Variants in MGAT4C observed in about 807,000 individuals in gnomAD.
The protein encoded by MGAT4C is MGAT4 family member C.
A neutral mutation model predicts 40.1 loss-of-function variants in MGAT4C; 19 were observed. That is an observed-to-expected ratio of 0.47 (90% CI 0.33 to 0.70). The LOEUF is 0.70. MGAT4C is among the 30% of genes least tolerant of loss of function. The pLI is 0.02. For synonymous variants in MGAT4C, 181 were observed against 187.1 expected (o/e 0.97, Z 0.27); for missense variants, 491 against 563.2 (o/e 0.87, Z 1.30).
At chr12:86,267,003 T>A (rs752600696) in intron 4 of MGAT4C, among the ~76,000 whole-genome samples, 3 of 150,904 alleles carry the variant, frequency 2.0e-5, no homozygotes, top group Non-Finnish European at 2.9e-5. Context: ...ACTTTTATTG[T>A]CTCCTGTCTC....
Position 86,793,232 on chromosome 12 carries a change from A to G in MGAT4C, c.-262+45434T>C, listed in dbSNP as rs539141807. Among the ~76,000 whole-genome samples the G allele has an allele frequency of 4.9e-4, 75 of 152,210 alleles. 1 individual carries two copies. Among genetic ancestry groups the G allele is most frequent in the Admixed American group, 4.4e-3 (67 of 15,268 alleles). ...TTTTAGTTTATTCTTGCTTCGTGCT[A>G]TTAAAGATGCAACTTTTGTTCACAG... On this transcript the variant is annotated intron_variant, in intron 1 of 7. Coordinates refer to the MGAT4C transcript ENST00000548651.
rs909137711 is a variant in MGAT4C at position 85,972,563 on chromosome 12, C to G, written c.*6726G>C. ...AAGTGTGGGATATAGTTTACATTAC[C>G]GAGTTTATTTTCTAAGGGTAGTGAA... On this transcript the variant is annotated 3_prime_UTR_variant, in exon 5 of 5. Transcript: ENST00000611864. 2 of 150,824 alleles carry G rather than the reference C, an allele frequency of 1.3e-5. No individual in the cohort carries two copies. Among genetic ancestry groups the G allele is most frequent in the Non-Finnish European group, 3.0e-5 (2 of 67,158 alleles). The allele number at this position is 150,824 out of a possible 1,614,324, so 9.3% of individuals were successfully genotyped here.
intron 3 of MGAT4C, among the ~76,000 whole-genome samples, chr12:86,434,048 T>C (rs898024348): frequency 6.6e-6 from 1 of 152,072 alleles, no homozygotes; most frequent in Non-Finnish European, 1.5e-5. Context: ...CATGGCAAGC[T>C]ACTTATAACT....
intron 1 of MGAT4C, among the ~76,000 whole-genome samples, chr12:86,078,795 G>A (rs1168702670): frequency 4.6e-5 from 7 of 152,236 alleles, no homozygotes; most frequent in East Asian, 1.9e-4. Context: ...GCTGATTGCC[G>A]TCCACAGAAT....
chr12:86,437,483 TCATAA>T (rs375413259), intron 2 of MGAT4C, among the ~76,000 whole-genome samples: 107 of 151,976 alleles, frequency 7.0e-4, no homozygotes, highest in East Asian at 4.6e-3. Context: ...AATAAAATTA[TCATAA>T]CATATCATAT....
At chr12:86,177,410 AATGTGT>A (rs1239031129) in intron 1 of MGAT4C, among the ~76,000 whole-genome samples, 2 of 152,206 alleles carry the variant, frequency 1.3e-5, no homozygotes, top group African/African-American at 2.4e-5. Flanking sequence ...AACAATTTTC[AATGTGT>A]ACATAAACAA....
intron 1 of MGAT4C, among the ~76,000 whole-genome samples, chr12:86,766,346 A>G (rs1045531578): frequency 6.6e-6 from 1 of 152,148 alleles, no homozygotes; most frequent in African/African-American, 2.4e-5. Flanking sequence ...CACCCAATAC[A>G]GGAGCACCCA....
chr12:86,668,761 T>A (rs1350954020), intron 2 of MGAT4C, among the ~76,000 whole-genome samples: 1 of 152,200 alleles, frequency 6.6e-6, no homozygotes, highest in Non-Finnish European at 1.5e-5. Flanking sequence ...GGAGAAGAGC[T>A]GCTACAGCTG....
At chr12:86,712,862 C>T (rs1447943094) in intron 2 of MGAT4C, among the ~76,000 whole-genome samples, 1 of 152,056 alleles carries the variant, frequency 6.6e-6, no homozygotes. Context: ...CCACCCAATA[C>T]CTATCGATTT....
intron 1 of MGAT4C, among the ~76,000 whole-genome samples, chr12:86,744,055 A>C (rs1034562246): frequency 6.6e-6 from 1 of 151,588 alleles, no homozygotes; most frequent in African/African-American, 2.4e-5. Flanking sequence ...TATGAATATT[A>C]CTTGGCTTGA....
At chr12:86,251,131 G>GTTTTT (rs5799770) in intron 1 of MGAT4C, among the ~76,000 whole-genome samples, 3 of 138,108 alleles carry the variant, frequency 2.2e-5, no homozygotes, top group Non-Finnish European at 1.6e-5. Context: ...TTTATTTCCC[G>GTTTTT]TTTTTTTTTT....
intron 4 of MGAT4C, among the ~76,000 whole-genome samples, chr12:86,315,655 G>T (rs994336918): frequency 6.6e-6 from 1 of 152,110 alleles, no homozygotes. Flanking sequence ...GCAGTGAGCC[G>T]AGATCGCGCC....
chr12:86,813,832 A>T (rs1430659630), intron 1 of MGAT4C, among the ~76,000 whole-genome samples: 1 of 152,132 alleles, frequency 6.6e-6, no homozygotes, highest in Non-Finnish European at 1.5e-5. Context: ...TTATTTAAAC[A>T]TTCTATTCCT....
intron 2 of MGAT4C, among the ~76,000 whole-genome samples, chr12:86,546,470 T>G (rs1592972804): frequency 6.6e-6 from 1 of 151,872 alleles, no homozygotes; most frequent in Non-Finnish European, 1.5e-5. Context: ...GGAAAAAAAT[T>G]TTCTACTGAT....
At chr12:86,366,662 C>T (rs529675775) in intron 3 of MGAT4C, among the ~76,000 whole-genome samples, 1 of 152,220 alleles carries the variant, frequency 6.6e-6, no homozygotes, top group Admixed American at 6.5e-5. Context: ...TACTCCAAAC[C>T]TGAGCATCAC....
At chr12:86,778,492 G>A (rs1951780130) in intron 1 of MGAT4C, among the ~76,000 whole-genome samples, 1 of 152,158 alleles carries the variant, frequency 6.6e-6, no homozygotes, top group Non-Finnish European at 1.5e-5. Flanking sequence ...TATAAGGAAA[G>A]AGGCATCCAC....
intron 3 of MGAT4C, among the ~76,000 whole-genome samples, chr12:86,433,843 C>A (rs1957090466): frequency 6.6e-6 from 1 of 151,988 alleles, no homozygotes. Flanking sequence ...TTGTCCTTAG[C>A]CAGACCTTCA....
At chr12:86,061,035 G>A in intron 1 of MGAT4C, among the ~76,000 whole-genome samples, 1 of 152,122 alleles carries the variant, frequency 6.6e-6, no homozygotes, top group East Asian at 1.9e-4. Flanking sequence ...TTGGTTAGGT[G>A]CTTCACTTTC....
At chr12:86,170,374 C>G (rs1886681283) in intron 1 of MGAT4C, among the ~76,000 whole-genome samples, 1 of 152,082 alleles carries the variant, frequency 6.6e-6, no homozygotes, top group African/African-American at 2.4e-5. Context: ...TGTCAGACTT[C>G]CTGTTCTATG....
Sources: gnomAD v4.1 joint callset for allele counts (sites outside exome capture counted in the v4.1 genomes callset) on GRCh38, gnomAD v4.1.1 for gene constraint, MANE v1.5 for transcripts, NCBI Gene and HGNC (gene_info 2026-07-23, HGNC 2026-07-21) for gene names.